FXR1: variants seen among roughly 807,000 people sequenced by gnomAD.
FXR1 encodes FMR1 autosomal homolog 1.
Under a neutral mutation model 84.0 loss-of-function variants are expected in FXR1, and 15 were observed. The observed-to-expected ratio is 0.18, with a 90% CI of 0.12 to 0.27. FXR1 has a LOEUF of 0.27. FXR1 is among the 10% of genes least tolerant of loss of function. The pLI, the probability that FXR1 is intolerant of heterozygous loss-of-function variation, is 1.00. For missense variants in FXR1, 480 were observed against 774.4 expected (o/e 0.62, Z 4.51); for synonymous variants, 245 against 250.7 (o/e 0.98, Z 0.21).
chr3:180,932,071 G>A (rs1370822387), intron 1 of FXR1, among the ~76,000 whole-genome samples: 1 of 2,976 alleles, frequency 3.4e-4, no homozygotes, highest in Non-Finnish European at 7.2e-4. Flanking sequence ...TACTTTGTAA[G>A]TTTCAAAAAA....
rs1454712221 is a variant in FXR1 at position 180,974,478 on chromosome 3, A to T, written c.1604-835A>T. Reference sequence around the variant, plus strand: ...GTTCTTGAAGAGAGAGTGTTGATGTATAAAGTGAGTCAGTCCACATACTGT... The same window carrying T: ...GTTCTTGAAGAGAGAGTGTTGATGTTTAAAGTGAGTCAGTCCACATACTGT... On this transcript the variant is annotated intron_variant, in intron 15 of 16. Coordinates refer to ENST00000357559, the MANE Select transcript of FXR1 (RefSeq NM_005087.4). Among the ~76,000 whole-genome samples, 4 of 152,302 alleles carry T rather than the reference A, an allele frequency of 2.6e-5. No individual in the cohort carries two copies. The East Asian group carries it at 7.7e-4, about 29-fold the overall frequency.
intron 1 of FXR1, 164 bp from the exon 2 acceptor site, chr3:180,933,164 AAAAGAT>A (rs1200773959): frequency 1.8e-6 from 1 of 564,336 alleles, no homozygotes; most frequent in Non-Finnish European, 3.1e-6. Flanking sequence ...TAAGTAACTT[AAAAGAT>A]CATGTGTCTC....
intron 1 of FXR1, among the ~76,000 whole-genome samples, chr3:180,917,805 G>A (rs561006385): frequency 9.7e-4 from 147 of 152,100 alleles, no homozygotes; most frequent in Admixed American, 3.5e-3. Context: ...AAATTAGCCA[G>A]GTGTGGTGGC....
intron 15 of FXR1, among the ~76,000 whole-genome samples, chr3:180,974,413 G>A (rs1378247860): frequency 1.3e-5 from 2 of 152,156 alleles, no homozygotes. Flanking sequence ...AAAGTGCTGG[G>A]TTTACAGGTG....
At chr3:180,968,730 T>G (rs1411571359) in intron 14 of FXR1, among the ~76,000 whole-genome samples, 2 of 152,170 alleles carry the variant, frequency 1.3e-5, no homozygotes, top group Non-Finnish European at 2.9e-5. Context: ...TAACTAAGTT[T>G]TTTAATTGTT....
chr3:180,936,595 A>C (rs1035490338), intron 3 of FXR1, among the ~76,000 whole-genome samples: 5 of 152,138 alleles, frequency 3.3e-5, no homozygotes, highest in African/African-American at 1.2e-4. Flanking sequence ...ATTTTCTTTG[A>C]GCTCTCATTA....
intron 10 of FXR1, among the ~76,000 whole-genome samples, chr3:180,960,036 A>T (rs1711892048): frequency 6.6e-6 from 1 of 152,162 alleles, no homozygotes; most frequent in Admixed American, 6.5e-5. Context: ...ATGGAAACTG[A>T]TTGGGGGAGT....
intron 1 of FXR1, among the ~76,000 whole-genome samples, chr3:180,925,918 T>A (rs1010757726): frequency 4.6e-5 from 7 of 152,210 alleles, no homozygotes; most frequent in Non-Finnish European, 1.0e-4. Context: ...CAGTAATATT[T>A]AACTGATGTA....
Position 180,976,738 on chromosome 3 carries a change from T to C in FXR1, c.*446T>C, listed in dbSNP as rs997999329. 1.3e-5 allele frequency: 2 copies of C among 152,816 alleles called. No individual in the cohort carries two copies. Among genetic ancestry groups the C allele is most frequent in the African/African-American group, 4.8e-5 (2 of 41,456 alleles). The allele number at this position is 152,816 out of a possible 1,614,324, so 9.5% of individuals were successfully genotyped here. ...ATATTTTGCACTGAATTGTAATTTC[T>C]TCATTAGTTTAGTCTGGAAACTGGT... On this transcript the variant is annotated 3_prime_UTR_variant, in exon 17 of 17. Transcript: ENST00000357559.
chr3:180,921,602 T>TA (rs1028265779), intron 1 of FXR1, among the ~76,000 whole-genome samples: 3 of 152,184 alleles, frequency 2.0e-5, no homozygotes, highest in Non-Finnish European at 4.4e-5. Context: ...AATTACAACT[T>TA]AGATCTTTTA....
intron 1 of FXR1, among the ~76,000 whole-genome samples, chr3:180,921,540 CAT>C (rs1718592800): frequency 1.3e-5 from 2 of 152,050 alleles, no homozygotes; most frequent in South Asian, 4.1e-4. Context: ...GAAGTTAAGA[CAT>C]TTTTTTGATT....
intron 11 of FXR1, among the ~76,000 whole-genome samples, chr3:180,961,859 C>G (rs1357809274): frequency 6.6e-6 from 1 of 152,128 alleles, no homozygotes; most frequent in Non-Finnish European, 1.5e-5. Context: ...ATTTGACTCT[C>G]AGATCACTTA....
At chr3:180,964,685 A>G (rs1007645709) in intron 13 of FXR1, among the ~76,000 whole-genome samples, 1 of 147,846 alleles carries the variant, frequency 6.8e-6, no homozygotes, top group African/African-American at 2.5e-5. Context: ...ATATATATAT[A>G]TATATATATA....
In FXR1 at chr3:180,961,525, C is replaced by A; in HGVS notation, c.1048C>A (p.Leu350Ile). 1 of 1,539,030 alleles carries A rather than the reference C, an allele frequency of 6.5e-7. No individual in the cohort carries two copies. The highest frequency in any genetic ancestry group is 9.0e-7 in the Non-Finnish European group (1 of 1,113,026). ...AGAAAGCATTGGAAATGTGCAGGTT[C>A]TTCTAGAGTATCATATTGCCTATCT... is the stretch of plus-strand genomic sequence containing the variant. ...TKESIGNVQVLLEYHIAYLKE... is the reference protein window; with the variant it reads ...TKESIGNVQVILEYHIAYLKE... The change falls in exon 11 of 17, where the codon CTT becomes ATT. Residue 350 changes from leucine (L) to isoleucine (I), a missense_variant. By Grantham distance (5) the Leu-to-Ile change is conservative (BLOSUM62 2). Coordinates refer to ENST00000357559, the MANE Select transcript of FXR1 (RefSeq NM_005087.4).
chr3:180,947,810 A>C, intron 3 of FXR1, 55 bp from the exon 4 acceptor site: 1 of 892,634 alleles, frequency 1.1e-6, no homozygotes, highest in Middle Eastern at 2.3e-4. Flanking sequence ...AAAGTCATTT[A>C]CAGCATTGAA....
chr3:180,949,860 A>G (rs1474953488), intron 7 of FXR1, among the ~76,000 whole-genome samples: 4 of 152,204 alleles, frequency 2.6e-5, no homozygotes, highest in African/African-American at 9.6e-5. Flanking sequence ...GACTTAGATG[A>G]CAGGTGCCAA....
intron 1 of FXR1, among the ~76,000 whole-genome samples, chr3:180,921,532 A>C (rs1040888891): frequency 6.6e-6 from 1 of 152,164 alleles, no homozygotes; most frequent in Non-Finnish European, 1.5e-5. Context: ...TATTGTTTGA[A>C]GTTAAGACAT....
chr3:180,937,934 TGTAA>T (rs1405267686), intron 3 of FXR1, among the ~76,000 whole-genome samples: 1 of 152,212 alleles, frequency 6.6e-6, no homozygotes, highest in Non-Finnish European at 1.5e-5. Context: ...TTGATTCTCT[TGTAA>T]GTTTTTTATT....
intron 10 of FXR1, 101 bp from the exon 11 acceptor site, chr3:180,961,367 A>AAAGT: frequency 8.6e-6 from 1 of 116,176 alleles, no homozygotes. Flanking sequence ...AAAAAAAAAA[A>AAAGT]GGTGTGTGTG....
Sources: gnomAD v4.1 joint callset for allele counts (sites outside exome capture counted in the v4.1 genomes callset) on GRCh38, gnomAD v4.1.1 for gene constraint, MANE v1.5 for transcripts, NCBI Gene and HGNC (gene_info 2026-07-23, HGNC 2026-07-21) for gene names.